Variants in FGD4 observed in about 807,000 individuals in gnomAD.
The protein encoded by FGD4 is FYVE, RhoGEF and PH domain-containing protein 4.
In FGD4, 42 loss-of-function variants were observed where a neutral mutation model predicts 102.0. The ratio of observed to expected loss-of-function variants is 0.41; its 90% confidence interval spans 0.32 to 0.53. The LOEUF (loss-of-function observed/expected upper bound fraction) is 0.53, where lower values mean the gene tolerates loss of function less well. Among genes scored for constraint, FGD4 ranks in the 20% least tolerant of loss-of-function variants. The probability of loss-of-function intolerance (pLI) is 0.21; values close to 1 mark genes in which losing one functional copy is unlikely to be tolerated. For missense variants in FGD4, 902 were observed against 1,078.2 expected, an observed-to-expected ratio of 0.84 and a Z score of 2.29; for synonymous variants, 380 against 375.7, an observed-to-expected ratio of 1.01 and a Z score of -0.13.
chr12:32,563,285 G>A (rs1944830282), intron 1 of FGD4, among the ~76,000 whole-genome samples: 1 of 150,712 alleles, frequency 6.6e-6, no homozygotes, highest in Admixed American at 6.6e-5. Flanking sequence ...CTTCTCAGAC[G>A]GGGCGGCCGG....
chr12:32,464,872 G>T (rs1007016761), intron 1 of FGD4, among the ~76,000 whole-genome samples: 2 of 152,094 alleles, frequency 1.3e-5, no homozygotes, highest in Non-Finnish European at 2.9e-5. Flanking sequence ...CTAGAAAATG[G>T]GTCCTAATCA....
Position 32,481,127 on chromosome 12 carries a change from C to CAAAAAAAAAAAAAAA in FGD4, c.166+81184_166+81198dup, listed in dbSNP as rs1157108520. On this transcript the variant is annotated intron_variant, in intron 1 of 16. Transcript: ENST00000534526. Reference sequence around the variant, plus strand: ...TGGGTGACAGAGTGAGACTCCGTCTCAAAAAAAAAAAAAAAAAAAAAAAAA... The same window carrying CAAAAAAAAAAAAAAA: ...TGGGTGACAGAGTGAGACTCCGTCTCAAAAAAAAAAAAAAAAAAAAAAAAAAAAAAAAAAAAAAAA... Among the ~76,000 whole-genome samples the CAAAAAAAAAAAAAAA allele has an allele frequency of 4.8e-4, 13 of 27,360 alleles. 4 individuals are homozygous for CAAAAAAAAAAAAAAA. Among genetic ancestry groups the CAAAAAAAAAAAAAAA allele is most frequent in the Non-Finnish European group, 7.3e-4 (13 of 17,876 alleles). 17.9% of individuals were successfully genotyped at this position (27,360 alleles called of 152,430 possible). A position where few individuals can be genotyped will look rare whatever the true frequency, so the allele number is the denominator to read the frequency against.
intron 1 of FGD4, among the ~76,000 whole-genome samples, chr12:32,410,185 G>A (rs971063920): frequency 7.9e-5 from 12 of 152,126 alleles, no homozygotes; most frequent in African/African-American, 1.9e-4. Context: ...AAAATTAGCC[G>A]GGTCTGGTGG....
chr12:32,457,263 A>G, intron 1 of FGD4, among the ~76,000 whole-genome samples: 1 of 152,156 alleles, frequency 6.6e-6, no homozygotes, highest in East Asian at 1.9e-4. Context: ...TTAACTAGAA[A>G]TCAGAGATAC....
At chr12:32,441,640 G>A (rs1211045604) in intron 1 of FGD4, among the ~76,000 whole-genome samples, 1 of 152,034 alleles carries the variant, frequency 6.6e-6, no homozygotes, top group Non-Finnish European at 1.5e-5. Flanking sequence ...GGTAATGCCA[G>A]CACTCCCTTG....
chr12:32,499,097 G>A (rs886507953), intron 1 of FGD4, among the ~76,000 whole-genome samples: 5 of 152,252 alleles, frequency 3.3e-5, no homozygotes, highest in African/African-American at 1.2e-4. Flanking sequence ...ATATTCAGCT[G>A]CGAAGGGAAA....
At chr12:32,401,681 AC>A (rs924735326) in intron 1 of FGD4, among the ~76,000 whole-genome samples, 1 of 151,736 alleles carries the variant, frequency 6.6e-6, no homozygotes, top group African/African-American at 2.4e-5. Flanking sequence ...GTGGCAGTCT[AC>A]AAATCATTTC....
intron 1 of FGD4, among the ~76,000 whole-genome samples, chr12:32,558,549 A>C (rs185950386): frequency 3.9e-4 from 59 of 152,366 alleles, no homozygotes; most frequent in Non-Finnish European, 6.9e-4. Context: ...GAGAGGGTCC[A>C]AACTTAAAAT....
At chr12:32,478,759 C>T (rs1373628519) in intron 1 of FGD4, among the ~76,000 whole-genome samples, 1 of 152,144 alleles carries the variant, frequency 6.6e-6, no homozygotes, top group Non-Finnish European at 1.5e-5. Flanking sequence ...CTTCCGTCCT[C>T]CTCATACCTT....
rs1943095593 is a variant in FGD4 at position 32,544,646 on chromosome 12, C to G, written c.167-19491C>G. ...TACTCAGGAGGCTGAGGCTAGAGGA[C>G]TGCTTGAGCCAGGAAGTGGAGGTTG... On this transcript the variant is annotated intron_variant, in intron 1 of 16. Transcript: ENST00000534526. This position sits in a 1 kb window ranked among gnomAD's most constrained non-coding sequence, Gnocchi z 4.1. Among the ~76,000 whole-genome samples the G allele has an allele frequency of 6.6e-6, 1 of 151,870 alleles. No homozygotes were observed. The highest frequency in any genetic ancestry group is 1.5e-5 in the Non-Finnish European group (1 of 67,980).
chr12:32,514,776 G>A (rs1939731825), intron 1 of FGD4, among the ~76,000 whole-genome samples: 2 of 152,010 alleles, frequency 1.3e-5, no homozygotes, highest in Admixed American at 6.6e-5. Context: ...CAAATCAATG[G>A]CCCGAATTGC....
intron 1 of FGD4, among the ~76,000 whole-genome samples, chr12:32,465,664 C>T (rs1320101398): frequency 2.0e-5 from 3 of 149,376 alleles, no homozygotes; most frequent in Non-Finnish European, 4.4e-5. Context: ...AAGACAACGT[C>T]TTAAAAAAAA....
chr12:32,401,727 T>C (rs1242339243), intron 1 of FGD4, among the ~76,000 whole-genome samples: 2 of 19,670 alleles, frequency 1.0e-4, no homozygotes, highest in East Asian at 1.9e-3. Context: ...TTTTCCATTC[T>C]TTTTTTTTTT....
Position 32,642,255 on chromosome 12 carries a change from A to C in FGD4, c.*1722A>C, listed in dbSNP as rs1291684645. The C allele has an allele frequency of 6.6e-6, 1 of 152,156 alleles. No homozygotes were observed. The highest frequency in any genetic ancestry group is 1.9e-4 in the East Asian group (1 of 5,200). The allele number at this position is 152,156 out of a possible 1,614,324, so 9.4% of individuals were successfully genotyped here. On this transcript the variant is annotated 3_prime_UTR_variant, in exon 17 of 17. Coordinates refer to ENST00000534526, the MANE Select transcript of FGD4 (RefSeq NM_001370298.3). ...TTAGGCCCTATTAAATCAGGGAAAG[A>C]CTAGAAGAAAATTTACATTGCTTCT...
At chr12:32,543,783 C>T (rs1044541703) in intron 1 of FGD4, among the ~76,000 whole-genome samples, 4 of 152,102 alleles carry the variant, frequency 2.6e-5, no homozygotes, top group African/African-American at 7.2e-5. Context: ...CCCGCCACCA[C>T]GCCCAGCTAA....
intron 1 of FGD4, among the ~76,000 whole-genome samples, chr12:32,458,647 C>T (rs1591940944): frequency 6.6e-6 from 1 of 152,276 alleles, no homozygotes; most frequent in Admixed American, 6.5e-5. Context: ...TCGCCCATAA[C>T]AATTATTGGA....
intron 15 of FGD4, among the ~76,000 whole-genome samples, chr12:32,636,315 C>T (rs1001209918): frequency 6.6e-6 from 1 of 152,046 alleles, no homozygotes; most frequent in African/African-American, 2.4e-5. Flanking sequence ...GGGTGGATCA[C>T]CCGAGGACAG....
Position 32,408,458 on chromosome 12 carries a change from C to T in FGD4, c.166+8499C>T, listed in dbSNP as rs547204693. 5.9e-5 allele frequency among the ~76,000 whole-genome samples: 9 copies of T among 152,258 alleles called. No homozygotes were observed. In the South Asian group the frequency reaches 1.0e-3, roughly 18 times the overall value. ...CTGGGTTGACAGGTGTGAGCCACCG[C>T]GCCTAGCCTAATTTTTGTATTTTTA... On this transcript the variant is annotated intron_variant, in intron 1 of 16. Coordinates refer to ENST00000534526, the MANE Select transcript of FGD4 (RefSeq NM_001370298.3).
chr12:32,455,573 A>G (rs2136484123), intron 1 of FGD4, among the ~76,000 whole-genome samples: 1 of 152,284 alleles, frequency 6.6e-6, no homozygotes. Context: ...CAAAAACTAG[A>G]AAATAGAGTC....
Sources: gnomAD v4.1 joint callset for allele counts (sites outside exome capture counted in the v4.1 genomes callset) on GRCh38, gnomAD v4.1.1 for gene constraint, Gnocchi (gnomAD v3.1) non-coding constraint, MANE v1.5 for transcripts, NCBI Gene and HGNC (gene_info 2026-07-23, HGNC 2026-07-21) for gene names.